The following CDH13 variants were observed in gnomAD, a reference collection of about 807,000 sequenced individuals.
The protein encoded by CDH13 is cadherin-13.
CDH13 carries 24 observed loss-of-function variants against 63.8 expected under a neutral mutation model. The observed-to-expected ratio is 0.38, with a 90% confidence interval of 0.27 to 0.53. CDH13 has a LOEUF of 0.53. Among genes scored for constraint, CDH13 ranks in the 20% least tolerant of loss-of-function variants. The pLI is 0.85. For missense variants in CDH13, 1,049 were observed against 903.1 expected (o/e 1.16, Z -2.07); for synonymous variants, 503 against 355.3 (o/e 1.42, Z -4.67).
intron 6 of CDH13, among the ~76,000 whole-genome samples, chr16:83,356,856 C>G (rs937295656): frequency 1.3e-5 from 2 of 152,110 alleles, no homozygotes; most frequent in Non-Finnish European, 2.9e-5. Context: ...ATTATGGGTG[C>G]ATTTTTTAAA....
chr16:83,780,285 C>G, intron 12 of CDH13, 84 bp downstream of exon 12: 1 of 860,890 alleles, frequency 1.2e-6, no homozygotes, highest in South Asian at 1.8e-5. Flanking sequence ...CTCTACTGTT[C>G]TCTCAAGTAT....
intron 5 of CDH13, among the ~76,000 whole-genome samples, chr16:83,339,423 C>T (rs1442617574): frequency 1.3e-5 from 2 of 152,112 alleles, no homozygotes; most frequent in African/African-American, 2.4e-5. Flanking sequence ...AAGGATAAAG[C>T]TGGGCCCCTA....
At chr16:83,428,172 T>A (rs900543623) in intron 6 of CDH13, among the ~76,000 whole-genome samples, 1 of 152,144 alleles carries the variant, frequency 6.6e-6, no homozygotes, top group African/African-American at 2.4e-5. Context: ...ATGTTTATTA[T>A]GGGAGGGGAA....
chr16:83,099,635 C>A (rs797002988), intron 3 of CDH13, among the ~76,000 whole-genome samples: 6 of 150,608 alleles, frequency 4.0e-5, no homozygotes, highest in South Asian at 2.1e-4. Flanking sequence ...CTACATATTA[C>A]TTCTAATCCT....
chr16:83,447,053 T>TAAA (rs56692922), intron 6 of CDH13, among the ~76,000 whole-genome samples: 3 of 64,284 alleles, frequency 4.7e-5, no homozygotes, highest in African/African-American at 9.8e-5. Context: ...TCACCCGTCT[T>TAAA]AAAAAAAAAA....
intron 7 of CDH13, among the ~76,000 whole-genome samples, chr16:83,511,150 ACACACGCT>A (rs1170868741): frequency 1.3e-5 from 2 of 152,260 alleles, no homozygotes; most frequent in African/African-American, 4.8e-5. Context: ...ACGCACATGC[ACACACGCT>A]CACACACACA....
chr16:83,602,301 A>G (rs1053338862), intron 7 of CDH13, 153 bp from the exon 8 acceptor site: 3 of 784,596 alleles, frequency 3.8e-6, no homozygotes, highest in Admixed American at 3.6e-5. Flanking sequence ...AGGCACATTT[A>G]TACACAATAG....
intron 3 of CDH13, among the ~76,000 whole-genome samples, chr16:83,063,203 C>T (rs1020443373): frequency 1.3e-5 from 2 of 152,112 alleles, no homozygotes; most frequent in Admixed American, 6.5e-5. Context: ...CTCAGGTGAT[C>T]CACCCACCTC....
intron 4 of CDH13, among the ~76,000 whole-genome samples, chr16:83,129,061 C>T (rs1413412579): frequency 6.6e-6 from 1 of 152,142 alleles, no homozygotes; most frequent in Non-Finnish European, 1.5e-5. Context: ...ATTTATCTGT[C>T]TTACTCTTTA....
intron 1 of CDH13, among the ~76,000 whole-genome samples, chr16:82,809,250 AT>A (rs1159955139): frequency 6.6e-6 from 1 of 151,020 alleles, no homozygotes; most frequent in Non-Finnish European, 1.5e-5. Flanking sequence ...TTATTACATT[AT>A]TTTTTCATGT....
chr16:82,922,829 T>G (rs1288009906), intron 2 of CDH13, among the ~76,000 whole-genome samples: 1 of 152,206 alleles, frequency 6.6e-6, no homozygotes, highest in East Asian at 1.9e-4. Flanking sequence ...GTTTAACTAC[T>G]TTTTGAGCTT....
chr16:83,747,555 G>C (rs1912705618), intron 10 of CDH13, among the ~76,000 whole-genome samples: 1 of 151,588 alleles, frequency 6.6e-6, no homozygotes, highest in Non-Finnish European at 1.5e-5. Context: ...AATACAATTT[G>C]TTAACTCATA....
intron 1 of CDH13, among the ~76,000 whole-genome samples, chr16:82,681,469 G>C (rs1914538081): frequency 6.6e-6 from 1 of 152,156 alleles, no homozygotes; most frequent in Admixed American, 6.5e-5. Context: ...TGTCATTAAT[G>C]GCCAATTTTA....
chr16:83,160,711 A>G (rs930562194), intron 4 of CDH13, among the ~76,000 whole-genome samples: 1 of 152,200 alleles, frequency 6.6e-6, no homozygotes, highest in African/African-American at 2.4e-5. Context: ...ATAAATATCA[A>G]TTTTCAAAAA....
chr16:83,627,586 T>G (rs1910425252), intron 8 of CDH13, among the ~76,000 whole-genome samples: 1 of 152,206 alleles, frequency 6.6e-6, no homozygotes, highest in Non-Finnish European at 1.5e-5. Context: ...GGTCTCACTC[T>G]GTCACCCAGG....
chr16:83,383,033 T>C lies in CDH13; in HGVS notation c.781+38027T>C, dbSNP rs2091598234. On this transcript the variant is annotated intron_variant, in intron 6 of 13. Coordinates refer to ENST00000567109, the MANE Select transcript of CDH13 (RefSeq NM_001257.5). Reference sequence around the variant, plus strand: ...CAGAAACCCCGAGTTACACATTGCATTTAATTGTCACATCTTTGCAGTCTG... The same window carrying C: ...CAGAAACCCCGAGTTACACATTGCACTTAATTGTCACATCTTTGCAGTCTG... 3 of 152,250 alleles carry C rather than the reference T, an allele frequency of 2.0e-5. No homozygotes were observed. In the South Asian group the frequency reaches 6.2e-4, roughly 32 times the overall value. The allele number at this position is 152,250 out of a possible 1,614,324, so 9.4% of individuals were successfully genotyped here. A position where few individuals can be genotyped will look rare whatever the true frequency, so the allele number is the denominator to read the frequency against.
intron 8 of CDH13, among the ~76,000 whole-genome samples, chr16:83,626,770 C>G (rs1161343027): frequency 2.0e-5 from 3 of 151,960 alleles, no homozygotes; most frequent in Non-Finnish European, 2.9e-5. Context: ...GACTTTGGGT[C>G]GAGACTGCCG....
intron 1 of CDH13, among the ~76,000 whole-genome samples, chr16:82,700,873 T>A (rs2030900103): frequency 6.7e-6 from 1 of 148,688 alleles, no homozygotes; most frequent in African/African-American, 2.5e-5. Flanking sequence ...ACTAATCTGA[T>A]CTCTAAATCT....
intron 1 of CDH13, among the ~76,000 whole-genome samples, chr16:82,801,854 C>T (rs1301230036): frequency 6.6e-6 from 1 of 152,144 alleles, no homozygotes; most frequent in Non-Finnish European, 1.5e-5. Context: ...CTCCTGGTGT[C>T]TTAGATTTTG....
Sources: gnomAD v4.1 joint callset for allele counts (sites outside exome capture counted in the v4.1 genomes callset) on GRCh38, gnomAD v4.1.1 for gene constraint, MANE v1.5 for transcripts, NCBI Gene and HGNC (gene_info 2026-07-23, HGNC 2026-07-21) for gene names.